Variants in LRRTM4 observed in about 807,000 individuals in gnomAD.
The protein encoded by LRRTM4 is leucine rich repeat transmembrane neuronal 4, also known as leucine-rich repeat transmembrane neuronal protein 4.
A neutral mutation model predicts 47.6 loss-of-function variants in LRRTM4; 25 were observed. The ratio of observed to expected loss-of-function variants is 0.53; its 90% CI spans 0.38 to 0.73. The LOEUF (loss-of-function observed/expected upper bound fraction) is 0.73, where lower values mean the gene tolerates loss of function less well. Among genes scored for constraint, LRRTM4 ranks in the 30% least tolerant of loss-of-function variants. The pLI, the probability that LRRTM4 is intolerant of heterozygous loss-of-function variation, is 0.00. For missense variants in LRRTM4, 638 were observed against 713.4 expected (o/e 0.89, Z 1.20); for synonymous variants, 311 against 269.5 (o/e 1.15, Z -1.51).
At chr2:77,222,017 C>T (rs909468294) in intron 3 of LRRTM4, among the ~76,000 whole-genome samples, 1 of 152,166 alleles carries the variant, frequency 6.6e-6, no homozygotes, top group African/African-American at 2.4e-5. Context: ...TCTCAGACCA[C>T]AGTGCAATCA....
intron 3 of LRRTM4, among the ~76,000 whole-genome samples, chr2:76,911,722 T>G (rs926743274): frequency 6.7e-6 from 1 of 149,324 alleles, no homozygotes; most frequent in Non-Finnish European, 1.5e-5. Context: ...CAGGTAGAAA[T>G]GTCAGTAGAA....
rs550005334 is a variant in LRRTM4 at position 77,245,632 on chromosome 2, T to G, written c.1551+272686A>C. 2.6e-5 allele frequency among the ~76,000 whole-genome samples: 4 copies of G among 151,592 alleles called. No individual in the cohort carries two copies. In the East Asian group the frequency reaches 7.7e-4, roughly 29 times the overall value. ...GGATTCACTTTAAACACTTTTTTTTTGTGATACCTTCTAGTGTCAACATGA... is the reference window on the plus strand; with the variant it reads ...GGATTCACTTTAAACACTTTTTTTTGGTGATACCTTCTAGTGTCAACATGA... On this transcript the variant is annotated intron_variant, in intron 3 of 3. Transcript: ENST00000409884.
At chr2:76,917,377 C>A (rs1347508561) in intron 3 of LRRTM4, among the ~76,000 whole-genome samples, 1 of 152,140 alleles carries the variant, frequency 6.6e-6, no homozygotes, top group East Asian at 1.9e-4. Flanking sequence ...AAAACAGTCC[C>A]ATGTGCTCAC....
intron 3 of LRRTM4, among the ~76,000 whole-genome samples, chr2:77,150,710 G>A (rs1672395050): frequency 6.6e-6 from 1 of 152,094 alleles, no homozygotes. Context: ...AGCCTGGGTG[G>A]CTCAGGAGCA....
chr2:76,797,799 A>T (rs1675429564), intron 3 of LRRTM4, among the ~76,000 whole-genome samples: 1 of 150,504 alleles, frequency 6.6e-6, no homozygotes, highest in Admixed American at 6.6e-5. Context: ...AAACAAAAAA[A>T]GGCAGGGGTT....
At chr2:76,877,400 A>G (rs2104086454) in intron 3 of LRRTM4, among the ~76,000 whole-genome samples, 1 of 152,088 alleles carries the variant, frequency 6.6e-6, no homozygotes, top group South Asian at 2.1e-4. Context: ...GGAATTAATG[A>G]CTATTTTGCT....
chr2:76,805,671 G>T (rs1056602011), intron 3 of LRRTM4, among the ~76,000 whole-genome samples: 4 of 152,152 alleles, frequency 2.6e-5, no homozygotes, highest in Non-Finnish European at 4.4e-5. Context: ...CTAAACCAGA[G>T]TTGAGATTTA....
chr2:77,045,582 C>T (rs943950726), intron 3 of LRRTM4, among the ~76,000 whole-genome samples: 1 of 151,864 alleles, frequency 6.6e-6, no homozygotes, highest in Non-Finnish European at 1.5e-5. Context: ...GTTTCCTGTG[C>T]TACTCTCCTG....
chr2:77,019,253 C>CAAAAAAAAAAAAAAA, intron 3 of LRRTM4, among the ~76,000 whole-genome samples: 1 of 80,560 alleles, frequency 1.2e-5, no homozygotes, highest in Non-Finnish European at 2.5e-5. Flanking sequence ...CACTGCTCTA[C>CAAAAAAAAAAAAAAA]AAAAAAAAAA....
At chr2:76,936,447 G>A (rs1370600434) in intron 3 of LRRTM4, among the ~76,000 whole-genome samples, 1 of 150,178 alleles carries the variant, frequency 6.7e-6, no homozygotes, top group East Asian at 2.0e-4. Context: ...AGGGTGGGGG[G>A]TTAGGGGAGG....
intron 3 of LRRTM4, among the ~76,000 whole-genome samples, chr2:77,282,636 A>G (rs1033202746): frequency 6.6e-6 from 1 of 151,916 alleles, no homozygotes; most frequent in Non-Finnish European, 1.5e-5. Flanking sequence ...ATACTGGTAC[A>G]TAAACAGACA....
chr2:77,470,903 A>T (rs546502809), intron 3 of LRRTM4, among the ~76,000 whole-genome samples: 13 of 152,216 alleles, frequency 8.5e-5, no homozygotes, highest in African/African-American at 3.1e-4. Context: ...AAGACTTAAG[A>T]CCACAAGTCA....
At chr2:76,987,806 G>A (rs1676855685) in intron 3 of LRRTM4, among the ~76,000 whole-genome samples, 1 of 151,644 alleles carries the variant, frequency 6.6e-6, no homozygotes, top group Non-Finnish European at 1.5e-5. Flanking sequence ...GCCTGAAAAA[G>A]AAACACCGGG....
At chr2:77,371,641 C>CG (rs1672660229) in intron 3 of LRRTM4, among the ~76,000 whole-genome samples, 1 of 151,464 alleles carries the variant, frequency 6.6e-6, no homozygotes, top group South Asian at 2.1e-4. Flanking sequence ...TGCTTTACTC[C>CG]GGTTTTTGGG....
chr2:76,974,711 A>C (rs1421894978), intron 3 of LRRTM4, among the ~76,000 whole-genome samples: 2 of 151,730 alleles, frequency 1.3e-5, no homozygotes, highest in East Asian at 3.9e-4. Flanking sequence ...GAGAGAATTA[A>C]TTCAAATAAA....
chr2:77,114,447 G>A (rs887274238), intron 3 of LRRTM4, among the ~76,000 whole-genome samples: 2 of 152,118 alleles, frequency 1.3e-5, no homozygotes, highest in Admixed American at 6.5e-5. Flanking sequence ...AACCCAGACA[G>A]TACACAGACT....
At chr2:76,951,717 A>C (rs2103887882) in intron 3 of LRRTM4, among the ~76,000 whole-genome samples, 1 of 152,038 alleles carries the variant, frequency 6.6e-6, no homozygotes, top group East Asian at 1.9e-4. Context: ...TGCACCTATC[A>C]ACCCATCATC....
chr2:76,814,965 A>C lies in LRRTM4; in HGVS notation c.1552-66049T>G, dbSNP rs140797210. Among the ~76,000 whole-genome samples, 342 of 152,268 alleles carry C rather than the reference A, an allele frequency of 2.2e-3. 6 individuals carry two copies. The highest frequency in any genetic ancestry group is 7.0e-3 in the African/African-American group (291 of 41,558). On this transcript the variant is annotated intron_variant, in intron 3 of 3. Transcript: ENST00000409884. The stretch of plus-strand genomic sequence containing the variant: ...GCATTTGTATGTACTTTGGAAGGAC[A>C]CATAAGAAACTAATAACAAAGGTCC...
At chr2:77,060,045 C>T (rs928760180) in intron 3 of LRRTM4, among the ~76,000 whole-genome samples, 6 of 152,116 alleles carry the variant, frequency 3.9e-5, no homozygotes, top group Non-Finnish European at 7.4e-5. Context: ...CCAGTCTGGC[C>T]GCCTATCTGT....
Sources: allele counts gnomAD v4.1 joint callset (sites outside exome capture counted in the v4.1 genomes callset), GRCh38; gene constraint gnomAD v4.1.1; transcripts MANE v1.5; gene names NCBI Gene and HGNC (gene_info 2026-07-23, HGNC 2026-07-21).